Variants in ROR2 observed in about 807,000 individuals in gnomAD.
ROR2 encodes ROR family WNT receptor 2, also known as tyrosine-protein kinase transmembrane receptor ROR2.
A neutral mutation model predicts 74.9 loss-of-function variants in ROR2; 33 were observed. The ratio of observed to expected loss-of-function variants is 0.44; its 90% CI spans 0.33 to 0.59. The LOEUF is 0.59. Ranked by LOEUF, ROR2 falls within the 20% of genes least tolerant of loss-of-function variation. ROR2 has a pLI of 0.02. For missense variants in ROR2, 1,216 were observed against 1,313.8 expected (o/e 0.93, Z 1.15); for synonymous variants, 586 against 558.7 (o/e 1.05, Z -0.69).
intron 1 of ROR2, among the ~76,000 whole-genome samples, chr9:91,811,039 T>A (rs1257667532): frequency 6.6e-6 from 1 of 152,206 alleles, no homozygotes; most frequent in African/African-American, 2.4e-5. Flanking sequence ...GGCAAACTCA[T>A]GGGAATTCCC....
chr9:91,818,257 C>T (rs968683414), intron 1 of ROR2, among the ~76,000 whole-genome samples: 1 of 152,214 alleles, frequency 6.6e-6, no homozygotes, highest in Non-Finnish European at 1.5e-5. Context: ...TTAGTAACTT[C>T]TAAGATGACA....
intron 7 of ROR2, 106 bp downstream of exon 7, chr9:91,730,804 C>T: frequency 1.6e-5 from 24 of 1,458,144 alleles, no homozygotes; most frequent in East Asian, 2.3e-5. Flanking sequence ...GGTCTCTGGT[C>T]GCCACCGTAC....
chr9:91,810,164 G>A (rs1224263080), intron 1 of ROR2, among the ~76,000 whole-genome samples: 2 of 152,208 alleles, frequency 1.3e-5, no homozygotes, highest in Non-Finnish European at 2.9e-5. Context: ...CACCATGCCC[G>A]AGGCTACGGT....
At chr9:91,726,875 G>C (rs1358111063) in intron 7 of ROR2, 132 bp from the exon 8 acceptor site, 1 of 816,572 alleles carries the variant, frequency 1.2e-6, no homozygotes, top group Admixed American at 2.0e-5. Context: ...TTACACAATG[G>C]GGTAAAAGGG....
In ROR2 at chr9:91,827,043, C is replaced by G. The variant is rs551033185; in HGVS notation, c.98-51225G>C. Among the ~76,000 whole-genome samples the G allele has an allele frequency of 3.1e-3, 472 of 152,246 alleles. 2 individuals are homozygous for G. The highest frequency in any genetic ancestry group is 0.011 in the African/African-American group (457 of 41,546). On this transcript the variant is annotated intron_variant, in intron 1 of 8. Coordinates refer to ENST00000375708, the MANE Select transcript of ROR2 (RefSeq NM_004560.4). The stretch of plus-strand genomic sequence containing the variant: ...ATTGACGCATGGCCTTCTGACTTCC[C>G]TAACTATATACGCACTCTATAGTTC...
intron 1 of ROR2, among the ~76,000 whole-genome samples, chr9:91,819,859 T>C (rs1828086263): frequency 6.6e-6 from 1 of 152,060 alleles, no homozygotes; most frequent in Admixed American, 6.6e-5. Context: ...GTGTTCTCTG[T>C]GTATGTCTGT....
chr9:91,844,879 C>T lies in ROR2; in HGVS notation c.98-69061G>A, dbSNP rs868175999. Among the ~76,000 whole-genome samples, 17 of 152,154 alleles carry T rather than the reference C, an allele frequency of 1.1e-4. No individual in the cohort carries two copies. In the Middle Eastern group the frequency reaches 0.014, roughly 122 times the overall value. The stretch of plus-strand genomic sequence containing the variant: ...GCATGCTCCCATGGGACAGGGAAGG[C>T]GGGGCGGGGGGAAGGGGGTGCGGGA... On this transcript the variant is annotated intron_variant, in intron 1 of 8. Coordinates refer to ENST00000375708, the MANE Select transcript of ROR2 (RefSeq NM_004560.4).
chr9:91,905,001 T>C lies in ROR2; in HGVS notation c.97+44866A>G, dbSNP rs1209297083. 3.4e-5 allele frequency among the ~76,000 whole-genome samples: 5 copies of C among 149,242 alleles called. No individual in the cohort carries two copies. Among genetic ancestry groups the C allele is most frequent in the Admixed American group, 6.7e-5 (1 of 15,016 alleles). On this transcript the variant is annotated intron_variant, in intron 1 of 8. Transcript: ENST00000375708. This position sits in a 1 kb window ranked among gnomAD's most constrained non-coding sequence, Gnocchi z 5.3. Reference sequence around the variant, plus strand: ...CACAACATACAATACACACAACACATACCACACAACATATACCACACACAA... The same window carrying C: ...CACAACATACAATACACACAACACACACCACACAACATATACCACACACAA...
chr9:91,751,919 T>C (rs1231990637), intron 4 of ROR2, among the ~76,000 whole-genome samples: 1 of 152,172 alleles, frequency 6.6e-6, no homozygotes, highest in Middle Eastern at 3.2e-3. Context: ...GAAGCCTAAA[T>C]GCGTGGTGGA....
chr9:91,844,452 G>T (rs76350755), intron 1 of ROR2, among the ~76,000 whole-genome samples: 5,643 of 152,218 alleles, frequency 0.037, 152 homozygotes, highest in East Asian at 0.097. Context: ...CTGTCACGCA[G>T]GCTGTGGTTT....
Position 91,754,381 on chromosome 9 carries a change from G to A in ROR2, c.494+1690C>T, listed in dbSNP as rs533594067. On this transcript the variant is annotated intron_variant, in intron 4 of 8. Coordinates refer to ENST00000375708, the MANE Select transcript of ROR2 (RefSeq NM_004560.4). Reference sequence around the variant, plus strand: ...TATAAAATACATAAATATAGGCCGGGTGCAGTGGCTCATGCCTGTAATCTC... The same window carrying A: ...TATAAAATACATAAATATAGGCCGGATGCAGTGGCTCATGCCTGTAATCTC... Among the ~76,000 whole-genome samples the A allele has an allele frequency of 4.6e-3, 706 of 152,014 alleles. 4 individuals carry two copies. The highest frequency in any genetic ancestry group is 8.5e-3 in the Non-Finnish European group (577 of 67,994).
At chr9:91,817,680 G>GTC (rs978124861) in intron 1 of ROR2, among the ~76,000 whole-genome samples, 1 of 152,214 alleles carries the variant, frequency 6.6e-6, no homozygotes, top group Admixed American at 6.5e-5. Flanking sequence ...GGCCTCCTGG[G>GTC]TCCTGCAGTC....
chr9:91,819,277 A>C (rs1587749792), intron 1 of ROR2, among the ~76,000 whole-genome samples: 1 of 152,190 alleles, frequency 6.6e-6, no homozygotes. Context: ...CCCCACCCCC[A>C]GGCTCCTAGC....
intron 1 of ROR2, among the ~76,000 whole-genome samples, chr9:91,777,196 T>TACTG (rs1396848811): frequency 6.6e-6 from 1 of 152,222 alleles, no homozygotes; most frequent in African/African-American, 2.4e-5. Context: ...TCACTCCAGA[T>TACTG]ACTGCAGCCT....
At chr9:91,936,679 G>C (rs1211823639) in intron 1 of ROR2, among the ~76,000 whole-genome samples, 1 of 152,164 alleles carries the variant, frequency 6.6e-6, no homozygotes, top group Non-Finnish European at 1.5e-5. Flanking sequence ...ATAAAAACTT[G>C]AAACTCCAAG....
At chr9:91,800,342 CAA>C (rs576971389) in intron 1 of ROR2, among the ~76,000 whole-genome samples, 4 of 131,316 alleles carry the variant, frequency 3.0e-5, no homozygotes, top group South Asian at 2.5e-4. Context: ...GACTCCGTCT[CAA>C]AAAAAAAAAA....
chr9:91,867,012 G>C (rs1829652947), intron 1 of ROR2, among the ~76,000 whole-genome samples: 1 of 152,302 alleles, frequency 6.6e-6, no homozygotes, highest in East Asian at 1.9e-4. Context: ...AATATCTTGA[G>C]GGTTCTGGTT....
At chr9:91,828,438 G>A (rs145461808) in intron 1 of ROR2, among the ~76,000 whole-genome samples, 212 of 152,300 alleles carry the variant, frequency 1.4e-3, no homozygotes, top group African/African-American at 4.9e-3. Context: ...TCTCGGCAGG[G>A]TGCGGTGGCT....
At chr9:91,801,838 A>G (rs1308445317) in intron 1 of ROR2, among the ~76,000 whole-genome samples, 1 of 152,230 alleles carries the variant, frequency 6.6e-6, no homozygotes. Flanking sequence ...CTGAACATGA[A>G]CGGGCGGGCT....
Sources: gnomAD v4.1 joint callset for allele counts (sites outside exome capture counted in the v4.1 genomes callset) on GRCh38, gnomAD v4.1.1 for gene constraint, Gnocchi (gnomAD v3.1) non-coding constraint, MANE v1.5 for transcripts, NCBI Gene and HGNC (gene_info 2026-07-23, HGNC 2026-07-21) for gene names.